The following GDF5 variants were observed in gnomAD, a reference collection of about 807,000 sequenced individuals.
The protein encoded by GDF5 is growth differentiation factor 5.
GDF5 carries 17 observed loss-of-function variants against 34.6 expected under a neutral mutation model. The ratio of observed to expected loss-of-function variants is 0.49; its 90% CI spans 0.34 to 0.74. GDF5 has a LOEUF of 0.74. Ranked by LOEUF, GDF5 falls within the 30% of genes least tolerant of loss-of-function variation. The probability of loss-of-function intolerance (pLI) is 0.01; values close to 1 mark genes in which losing one functional copy is unlikely to be tolerated. For synonymous variants in GDF5, 332 were observed against 290.7 expected (o/e 1.14, Z -1.44); for missense variants, 616 against 661.2 (o/e 0.93, Z 0.75).
chr20:35,448,064 A>C (rs546063041), intron 1 of GDF5, among the ~76,000 whole-genome samples: 1 of 152,316 alleles, frequency 6.6e-6, no homozygotes, highest in East Asian at 1.9e-4. Context: ...ATAATACCAA[A>C]GTTTATAAAG....
At position 35,437,628 on chromosome 20, in the gene GDF5, G is replaced by A. The variant is rs144074930; in HGVS notation, c.301C>T (p.Pro101Ser). Residue 101 changes from proline (P) to serine (S), a missense_variant, in exon 1 of 2, where the codon CCG becomes TCG. Pro to Ser is a moderately conservative substitution (Grantham distance 74). Coordinates refer to ENST00000374369, the MANE Select transcript of GDF5 (RefSeq NM_000557.5). ...CCTGGCTTGGGTTCAGGGCCGCCCG[G>A]TCTGGGGGGCAGCTTTTTGGGTTCA... is the stretch of plus-strand genomic sequence containing the variant. ...KDEPKKLPPR[P>S]GGPEPKPGHP... is the part of the protein sequence containing the mutation. 1.6e-5 allele frequency: 26 copies of A among 1,614,044 alleles called. No homozygotes were observed. In the African/African-American group the frequency reaches 3.5e-4, roughly 22 times the overall value.
intron 1 of GDF5, among the ~76,000 whole-genome samples, chr20:35,453,206 C>A (rs1288659089): frequency 1.3e-5 from 2 of 152,108 alleles, no homozygotes; most frequent in Non-Finnish European, 2.9e-5. Context: ...GCCGAGATTG[C>A]GCCGCTGCAC....
chr20:35,453,111 G>T (rs538016002), intron 1 of GDF5, among the ~76,000 whole-genome samples: 3 of 152,144 alleles, frequency 2.0e-5, no homozygotes, highest in African/African-American at 4.8e-5. Flanking sequence ...TTAGCCGGGC[G>T]TGGTGGCGGG....
intron 1 of GDF5, among the ~76,000 whole-genome samples, chr20:35,447,364 C>T (rs905627724): frequency 6.6e-6 from 1 of 152,186 alleles, no homozygotes; most frequent in African/African-American, 2.4e-5. Flanking sequence ...CTGCTCAGGA[C>T]GCGCTCTCAA....
chr20:35,453,174 C>T (rs995644461), intron 1 of GDF5, among the ~76,000 whole-genome samples: 3 of 152,118 alleles, frequency 2.0e-5, no homozygotes, highest in African/African-American at 7.2e-5. Flanking sequence ...GGCGTGAACC[C>T]GGATGGTGGA....
At chr20:35,447,044 A>G (rs888980496) in intron 1 of GDF5, among the ~76,000 whole-genome samples, 2 of 151,918 alleles carry the variant, frequency 1.3e-5, no homozygotes, top group African/African-American at 2.4e-5. Flanking sequence ...GGTTTGTTAC[A>G]TATGTTTTTT....
chr20:35,433,861 A>G lies in GDF5; in HGVS notation c.*48T>C. On this transcript the variant is annotated 3_prime_UTR_variant, in exon 2 of 2. Coordinates refer to ENST00000374369, the MANE Select transcript of GDF5 (RefSeq NM_000557.5). ...CCCTCTGTGATTCCAGGAGTGCAGG[A>G]AGGGGCTCTTGGGATGTGCCACCCA... 1 of 1,519,554 alleles carries G rather than the reference A, an allele frequency of 6.6e-7. No individual in the cohort carries two copies. The highest frequency in any genetic ancestry group is 9.1e-7 in the Non-Finnish European group (1 of 1,094,150). The allele number at this position is 1,519,554 out of a possible 1,614,324, so 94.1% of individuals were successfully genotyped here.
chr20:35,453,997 A>G (rs766646434), intron 1 of GDF5: 2 of 534,538 alleles, frequency 3.7e-6, no homozygotes, highest in African/African-American at 1.9e-5. Flanking sequence ...TCTAAAATGC[A>G]GATTCCTGGA....
chr20:35,441,473 T>A (rs866889861), upstream of GDF5: 4 of 146,296 alleles, frequency 2.7e-5, no homozygotes, highest in African/African-American at 7.8e-5. Context: ...TTTTTTTTTT[T>A]AGATGGAGTC....
chr20:35,451,062 A>ATAT (rs1437374461), intron 1 of GDF5, among the ~76,000 whole-genome samples: 1 of 69,752 alleles, frequency 1.4e-5, no homozygotes, highest in African/African-American at 7.1e-5. Flanking sequence ...AAAAAAAAAA[A>ATAT]AAATATATAT....
At chr20:35,452,993 T>C (rs1006197673) in intron 1 of GDF5, among the ~76,000 whole-genome samples, 3 of 152,116 alleles carry the variant, frequency 2.0e-5, no homozygotes, top group Non-Finnish European at 4.4e-5. Flanking sequence ...CGCATGCCTG[T>C]AATGCCAGCA....
chr20:35,452,809 A>G (rs1464452213), intron 1 of GDF5, among the ~76,000 whole-genome samples: 2 of 152,224 alleles, frequency 1.3e-5, no homozygotes, highest in Non-Finnish European at 2.9e-5. Context: ...GACTTGATTC[A>G]TTCATTCAAT....
In GDF5 at chr20:35,437,828, C is replaced by A; in HGVS notation, c.101G>T (p.Arg34Ile). The part of the protein sequence containing the change: ...TVLGAPDLGQ[R>I]PQGTRPGLAK... ...CAATCCTGGCCTGGTCCCCTGGGGT[C>A]TCTGGCCCAAGTCAGGGGCACCCAA... Residue 34 changes from arginine to isoleucine, a missense_variant, in exon 1 of 2, where the codon AGA becomes ATA. By Grantham distance (97) the Arg-to-Ile change is moderately conservative (BLOSUM62 -3). Coordinates refer to ENST00000374369, the MANE Select transcript of GDF5 (RefSeq NM_000557.5). The A allele has an allele frequency of 6.8e-6, 11 of 1,613,896 alleles. No homozygotes were observed. Among genetic ancestry groups the A allele is most frequent in the Non-Finnish European group, 8.5e-6 (10 of 1,179,906 alleles).
upstream of GDF5, among the ~76,000 whole-genome samples, chr20:35,439,065 C>G (rs1360339644): frequency 2.0e-5 from 3 of 151,898 alleles, no homozygotes; most frequent in Non-Finnish European, 2.9e-5. Context: ...ATTCTTCAGG[C>G]TTGGGGGCAC....
intron 1 of GDF5, chr20:35,435,086 C>T: frequency 1.6e-6 from 1 of 608,338 alleles, no homozygotes; most frequent in South Asian, 2.1e-5. Flanking sequence ...TAACTGCCTT[C>T]TACCTATCTC....
intron 1 of GDF5, among the ~76,000 whole-genome samples, chr20:35,448,177 T>C (rs1435731610): frequency 6.6e-6 from 1 of 151,964 alleles, no homozygotes; most frequent in Non-Finnish European, 1.5e-5. Context: ...AGCTCAGAAA[T>C]CTCAGATCCT....
chr20:35,434,590 G>A lies in GDF5; in HGVS notation c.825C>T (p.Ala275=), dbSNP rs769160786. 16 of 1,587,064 alleles carry A rather than the reference G, an allele frequency of 1.0e-5. No homozygotes were observed. Among genetic ancestry groups the A allele is most frequent in the Non-Finnish European group, 1.4e-5 (16 of 1,165,050 alleles). ...LSSCPSGRQP[A]ALLDVRSVPG... is the part of the protein sequence containing the mutation. The stretch of plus-strand genomic sequence containing the variant: ...GCACGGAGCGCACATCCAGCAAGGC[G>A]GCCGGCTGCCGGCCGCTGGGGCAGC... Residue 275 remains alanine, a synonymous_variant, in exon 2 of 2, where the codon GCC becomes GCT. Coordinates refer to ENST00000374369, the MANE Select transcript of GDF5 (RefSeq NM_000557.5).
intron 1 of GDF5, among the ~76,000 whole-genome samples, chr20:35,449,675 A>AT (rs1269563492): frequency 6.6e-6 from 1 of 152,152 alleles, no homozygotes; most frequent in African/African-American, 2.4e-5. Context: ...TGCTCAATCA[A>AT]TATTTTAAAA....
intron 1 of GDF5, 135 bp from the exon 2 acceptor site, chr20:35,434,918 C>T: frequency 1.1e-6 from 1 of 944,106 alleles, no homozygotes; most frequent in Non-Finnish European, 1.8e-6. Flanking sequence ...CTGACAGAAG[C>T]CAAGAGCCAA....
Sources: allele counts gnomAD v4.1 joint callset (sites outside exome capture counted in the v4.1 genomes callset), GRCh38; gene constraint gnomAD v4.1.1; transcripts MANE v1.5; gene names NCBI Gene and HGNC (gene_info 2026-07-23, HGNC 2026-07-21).